Variants in DCC observed in about 807,000 individuals in gnomAD.
The protein encoded by DCC is DCC netrin 1 receptor, also known as netrin receptor DCC.
In DCC, 58 loss-of-function variants were observed where a neutral mutation model predicts 172.5. The ratio of observed to expected loss-of-function variants is 0.34; its 90% confidence interval spans 0.27 to 0.42. The LOEUF is 0.42. DCC is among the 10% of genes least tolerant of loss of function. DCC has a pLI of 1.00. For synonymous variants in DCC, 709 were observed against 644.5 expected, an observed-to-expected ratio of 1.10 and a Z score of -1.52; for missense variants, 1,740 against 1,791.0, an observed-to-expected ratio of 0.97 and a Z score of 0.51.
chr18:52,574,390 G>C (rs2033364853), intron 1 of DCC, among the ~76,000 whole-genome samples: 1 of 152,146 alleles, frequency 6.6e-6, no homozygotes, highest in African/African-American at 2.4e-5. Context: ...ACAGCTGTGA[G>C]AATTCTAAGT....
At chr18:53,343,718 G>T (rs1178056265) in intron 15 of DCC, among the ~76,000 whole-genome samples, 2 of 151,834 alleles carry the variant, frequency 1.3e-5, no homozygotes, top group African/African-American at 4.8e-5. Flanking sequence ...CAGAAAATTT[G>T]TGTAAAATGG....
intron 12 of DCC, among the ~76,000 whole-genome samples, chr18:53,302,191 C>G (rs2057149715): frequency 6.6e-6 from 1 of 152,016 alleles, no homozygotes. Flanking sequence ...TCTCCAAATT[C>G]AGTCAGATTC....
At chr18:53,161,196 T>G (rs2054833374) in intron 8 of DCC, among the ~76,000 whole-genome samples, 1 of 152,212 alleles carries the variant, frequency 6.6e-6, no homozygotes, top group Non-Finnish European at 1.5e-5. Flanking sequence ...TTCCAATAAT[T>G]ATTTTGTTCC....
chr18:53,146,546 TC>T (rs375380319), intron 7 of DCC, among the ~76,000 whole-genome samples: 15 of 152,246 alleles, frequency 9.9e-5, no homozygotes, highest in Non-Finnish European at 2.1e-4. Context: ...AGGCCATACA[TC>T]CCAATACTGT....
intron 2 of DCC, among the ~76,000 whole-genome samples, chr18:52,843,961 G>C (rs150200401): frequency 1.3e-3 from 196 of 152,198 alleles, no homozygotes; most frequent in African/African-American, 4.6e-3. Flanking sequence ...TTATTAGCAT[G>C]ATATAGTATG....
At chr18:52,776,863 C>T (rs1311556270) in intron 2 of DCC, among the ~76,000 whole-genome samples, 1 of 152,026 alleles carries the variant, frequency 6.6e-6, no homozygotes, top group Non-Finnish European at 1.5e-5. Context: ...GTATAAAATA[C>T]ATTGTCAGAT....
chr18:52,589,701 T>C (rs181847723), intron 1 of DCC, among the ~76,000 whole-genome samples: 15 of 152,292 alleles, frequency 9.8e-5, no homozygotes, highest in African/African-American at 3.6e-4. Context: ...CCTTTTTCTG[T>C]TTATAGTGCC....
At chr18:52,652,318 G>A (rs188903991) in intron 1 of DCC, among the ~76,000 whole-genome samples, 31 of 152,270 alleles carry the variant, frequency 2.0e-4, no homozygotes, top group East Asian at 7.7e-4. Context: ...TTCTGACCTC[G>A]TCAAAGATAT....
At chr18:53,397,241 A>C in intron 17 of DCC, 67 bp from the exon 18 acceptor site, 2 of 1,445,218 alleles carry the variant, frequency 1.4e-6, no homozygotes, top group Non-Finnish European at 1.9e-6. Context: ...TAGTCTTTTT[A>C]TATGTCTTGA....
intron 1 of DCC, among the ~76,000 whole-genome samples, chr18:52,521,619 C>A (rs944917239): frequency 6.6e-6 from 1 of 151,946 alleles, no homozygotes; most frequent in African/African-American, 2.4e-5. Flanking sequence ...ATAACAAAGG[C>A]CTTAGGACTC....
intron 1 of DCC, among the ~76,000 whole-genome samples, chr18:52,448,319 T>C (rs1143713): frequency 0.92 from 140,154 of 152,238 alleles, 64,557 homozygotes; most frequent in Admixed American, 0.96. Context: ...TTCCACGAAT[T>C]CGGTCCCTCA....
At chr18:52,616,163 G>A (rs1280056565) in intron 1 of DCC, among the ~76,000 whole-genome samples, 1 of 152,034 alleles carries the variant, frequency 6.6e-6, no homozygotes, top group Non-Finnish European at 1.5e-5. Flanking sequence ...GATTTCACTA[G>A]TTGTTCCTCT....
At chr18:53,003,312 T>C (rs2041595223) in intron 5 of DCC, among the ~76,000 whole-genome samples, 1 of 152,176 alleles carries the variant, frequency 6.6e-6, no homozygotes, top group African/African-American at 2.4e-5. Context: ...AAAATGCTGT[T>C]AAACTAAGAG....
intron 1 of DCC, among the ~76,000 whole-genome samples, chr18:52,375,206 AC>A (rs1157768101): frequency 6.6e-6 from 1 of 152,188 alleles, no homozygotes; most frequent in East Asian, 1.9e-4. Flanking sequence ...GAAGTCAGTG[AC>A]TTTAGGATTG....
At chr18:53,010,298 G>A (rs961929635) in intron 5 of DCC, among the ~76,000 whole-genome samples, 1 of 151,634 alleles carries the variant, frequency 6.6e-6, no homozygotes, top group Non-Finnish European at 1.5e-5. Flanking sequence ...ATCTAAAATT[G>A]CTTTGGCTAT....
intron 3 of DCC, among the ~76,000 whole-genome samples, chr18:52,923,453 A>G (rs73458972): frequency 0.051 from 7,753 of 152,184 alleles, 269 homozygotes; most frequent in South Asian, 0.14. Flanking sequence ...ATTCCTGCTT[A>G]CTTATGGGTA....
At chr18:53,135,249 A>C (rs16956204) in intron 7 of DCC, among the ~76,000 whole-genome samples, 3,713 of 152,198 alleles carry the variant, frequency 0.024, 76 homozygotes, top group East Asian at 0.12. Context: ...GGTAATAAAA[A>C]AGCCTCCTTC....
intron 5 of DCC, among the ~76,000 whole-genome samples, chr18:53,061,257 A>T (rs538914007): frequency 6.6e-6 from 1 of 152,030 alleles, no homozygotes; most frequent in Non-Finnish European, 1.5e-5. Flanking sequence ...CTCTTCTTCA[A>T]TATAAATTTG....
chr18:52,507,463 A>C (rs2031274397), intron 1 of DCC, among the ~76,000 whole-genome samples: 1 of 152,220 alleles, frequency 6.6e-6, no homozygotes, highest in Non-Finnish European at 1.5e-5. Context: ...TGGAATAGTA[A>C]AATGGCTAAA....
Sources: gnomAD v4.1 joint callset for allele counts (sites outside exome capture counted in the v4.1 genomes callset) on GRCh38, gnomAD v4.1.1 for gene constraint, MANE v1.5 for transcripts, NCBI Gene and HGNC (gene_info 2026-07-23, HGNC 2026-07-21) for gene names.